Variants in ZNF362 observed in about 807,000 individuals in gnomAD.
ZNF362 encodes the protein rotund homolog.
ZNF362 carries 11 observed loss-of-function variants against 42.9 expected under a neutral mutation model. That is an observed-to-expected ratio of 0.26 (90% confidence interval 0.16 to 0.42). The LOEUF (loss-of-function observed/expected upper bound fraction) is 0.42. ZNF362 is among the 20% of genes least tolerant of loss of function. ZNF362 has a pLI of 1.00. For synonymous variants in ZNF362, 255 were observed against 257.3 expected, an observed-to-expected ratio of 0.99 and a Z score of 0.09; for missense variants, 362 against 576.2, an observed-to-expected ratio of 0.63 and a Z score of 3.81.
intron 2 of ZNF362, among the ~76,000 whole-genome samples, chr1:33,273,641 A>G (rs1057039799): frequency 2.0e-5 from 3 of 152,160 alleles, no homozygotes; most frequent in African/African-American, 7.2e-5. Context: ...AGGCTTAGAG[A>G]GCTAGCACCC....
At chr1:33,162,602 C>CT in the ZNF362 span, among the ~76,000 whole-genome samples, 3 of 152,192 alleles carry the variant, frequency 2.0e-5, no homozygotes, top group Non-Finnish European at 4.4e-5. Context: ...AGAGTCTTGT[C>CT]TGAGATTGCT....
Position 33,287,559 on chromosome 1 carries a change from A to G in ZNF362, c.908+5748A>G, listed in dbSNP as rs140513348. ...TAGGAAATGGCTGAAAGTTTTATCTATTTGTGGAACTAGAACTAGACAGAG... is the reference window on the plus strand; with the variant it reads ...TAGGAAATGGCTGAAAGTTTTATCTGTTTGTGGAACTAGAACTAGACAGAG... On this transcript the variant is annotated intron_variant, in intron 6 of 8. Transcript: ENST00000539719. Among the ~76,000 whole-genome samples, 78 of 152,330 alleles carry G rather than the reference A, an allele frequency of 5.1e-4. 1 individual carries two copies. In the East Asian group the frequency reaches 0.014, roughly 27 times the overall value.
chr1:33,286,388 C>T (rs1479121568), intron 6 of ZNF362, among the ~76,000 whole-genome samples: 1 of 149,538 alleles, frequency 6.7e-6, no homozygotes, highest in Non-Finnish European at 1.5e-5. Flanking sequence ...GAGAACATGA[C>T]CAAAAAAAAA....
intron 6 of ZNF362, among the ~76,000 whole-genome samples, chr1:33,291,643 A>G (rs1368565825): frequency 2.0e-5 from 3 of 152,158 alleles, no homozygotes; most frequent in Non-Finnish European, 4.4e-5. Flanking sequence ...TGAATCTATA[A>G]ATTACCTTGG....
At chr1:33,245,708 C>T in the ZNF362 span, among the ~76,000 whole-genome samples, 11 of 152,266 alleles carry the variant, frequency 7.2e-5, no homozygotes, top group East Asian at 1.9e-3. Context: ...GAGGCCCAAA[C>T]GGGAAGATCG....
chr1:33,144,215 G>A, the ZNF362 span, among the ~76,000 whole-genome samples: 1,007 of 147,932 alleles, frequency 6.8e-3, 6 homozygotes, highest in Non-Finnish European at 0.01. Flanking sequence ...CCAGCTCACC[G>A]CAACCTCCGC....
the ZNF362 span, among the ~76,000 whole-genome samples, chr1:33,170,072 C>T: frequency 2.0e-5 from 3 of 152,118 alleles, no homozygotes; most frequent in African/African-American, 7.2e-5. Context: ...ACCTGTAATC[C>T]CAACCCTTTG....
the ZNF362 span, among the ~76,000 whole-genome samples, chr1:33,162,616 T>C: frequency 1.3e-5 from 2 of 152,164 alleles, no homozygotes; most frequent in African/African-American, 2.4e-5. Flanking sequence ...GATTGCTCCG[T>C]AGAGCTGGGT....
chr1:33,173,166 A>T, the ZNF362 span, among the ~76,000 whole-genome samples: 1 of 152,142 alleles, frequency 6.6e-6, no homozygotes, highest in Non-Finnish European at 1.5e-5. Flanking sequence ...ACAGACTGGA[A>T]TTATTTTATA....
In ZNF362 at chr1:33,275,229, A is replaced by G. The variant is rs537096855; in HGVS notation, c.39-871A>G. ...CTTACTCTAGGGTAGCAGGAAGACA[A>G]ACCTTCTGGAAGACTGAGATAGCCC... On this transcript the variant is annotated intron_variant, in intron 2 of 8. Coordinates refer to ENST00000539719, the MANE Select transcript of ZNF362 (RefSeq NM_152493.3). 3.6e-4 allele frequency: 353 copies of G among 985,440 alleles called. 1 individual carries two copies. The highest frequency in any genetic ancestry group is 3.1e-3 in the Middle Eastern group (6 of 1,914). 61.0% of individuals were successfully genotyped at this position (985,440 alleles called of 1,614,324 possible).
At chr1:33,189,675 ATATATATACG>A in the ZNF362 span, among the ~76,000 whole-genome samples, 1 of 39,006 alleles carries the variant, frequency 2.6e-5, no homozygotes, top group African/African-American at 6.8e-5. Flanking sequence ...ATATATATGT[ATATATATACG>A]TATATATATA....
At chr1:33,192,979 C>CCACACA in the ZNF362 span, among the ~76,000 whole-genome samples, 29 of 139,900 alleles carry the variant, frequency 2.1e-4, 1 homozygote, top group East Asian at 1.5e-3. Context: ...GTCTCTCTCT[C>CCACACA]CACACACACA....
intron 8 of ZNF362, among the ~76,000 whole-genome samples, chr1:33,295,852 T>C (rs1398604894): frequency 6.6e-6 from 1 of 152,154 alleles, no homozygotes; most frequent in Non-Finnish European, 1.5e-5. Flanking sequence ...TGATCTAATA[T>C]TCTAGTTAAC....
At position 33,276,090 on chromosome 1, in the gene ZNF362, C is replaced by G; in HGVS notation, c.39-10C>G. ...CTCTCTTCCCGGTGACAGTCGCTCT[C>G]TTCCCGCAGGATGGCCGAGCCTCGA... On this transcript the variant is annotated splice_polypyrimidine_tract_variant and intron_variant, in intron 2 of 8. Transcript: ENST00000539719. The G allele has an allele frequency of 6.2e-7, 1 of 1,614,038 alleles. No homozygotes were observed. Among genetic ancestry groups the G allele is most frequent in the Non-Finnish European group, 8.5e-7 (1 of 1,179,998 alleles).
the ZNF362 span, among the ~76,000 whole-genome samples, chr1:33,230,864 G>A: frequency 6.6e-6 from 1 of 152,188 alleles, no homozygotes; most frequent in Non-Finnish European, 1.5e-5. Flanking sequence ...AGATGTAATC[G>A]AAGCTCAGAG....
chr1:33,278,777 T>C (rs1645969345), intron 4 of ZNF362, among the ~76,000 whole-genome samples: 1 of 152,222 alleles, frequency 6.6e-6, no homozygotes, highest in Non-Finnish European at 1.5e-5. Context: ...CATTTCGACC[T>C]TCTCTCTGTG....
the ZNF362 span, among the ~76,000 whole-genome samples, chr1:33,227,403 T>C: frequency 6.6e-6 from 1 of 152,114 alleles, no homozygotes; most frequent in Non-Finnish European, 1.5e-5. Context: ...ACTGACTCTT[T>C]AGATGTTCCT....
chr1:33,298,986 C>T lies in ZNF362; in HGVS notation c.1203C>T (p.Ser401=). The T allele has an allele frequency of 6.2e-7, 1 of 1,613,464 alleles. No individual in the cohort carries two copies. The highest frequency in any genetic ancestry group is 1.1e-5 in the South Asian group (1 of 91,090). ...SKHTVVEHLV[S]HHSPQRTESP... ...ACACGGTGGTGGAGCACCTGGTGAG[C>T]CATCACTCGCCCCAGAGGACGGAGT... The change falls in exon 9 of 9, where the codon AGC becomes AGT. Residue 401 remains serine, a synonymous_variant. Transcript: ENST00000539719.
At chr1:33,236,572 T>TATATATATAC in the ZNF362 span, among the ~76,000 whole-genome samples, 2 of 98,710 alleles carry the variant, frequency 2.0e-5, no homozygotes, top group African/African-American at 3.7e-5. Context: ...TATATATATA[T>TATATATATAC]ACATACACAC....
Sources: allele counts gnomAD v4.1 joint callset (sites outside exome capture counted in the v4.1 genomes callset), GRCh38; gene constraint gnomAD v4.1.1; transcripts MANE v1.5; gene names NCBI Gene and HGNC (gene_info 2026-07-23, HGNC 2026-07-21).